Variants in EEFSEC observed in about 807,000 individuals in gnomAD.
EEFSEC encodes selenocysteine-specific elongation factor.
A neutral mutation model predicts 42.1 loss-of-function variants in EEFSEC; 43 were observed. The ratio of observed to expected loss-of-function variants is 1.02; its 90% CI spans 0.80 to 1.32. EEFSEC has a LOEUF of 1.32. Ranked by LOEUF, EEFSEC falls within the 40% of genes most tolerant of loss-of-function variation. The pLI is 0.00. For missense variants in EEFSEC, 745 were observed against 803.6 expected (o/e 0.93, Z 0.88); for synonymous variants, 354 against 339.1 (o/e 1.04, Z -0.48).
chr3:128,156,850 A>G (rs1459958166), intron 1 of EEFSEC, among the ~76,000 whole-genome samples: 1 of 152,194 alleles, frequency 6.6e-6, no homozygotes, highest in Admixed American at 6.5e-5. Context: ...ATTAAAATTC[A>G]TCCAGCTAAT....
chr3:128,280,424 T>A (rs2066513770), intron 4 of EEFSEC, among the ~76,000 whole-genome samples: 1 of 152,262 alleles, frequency 6.6e-6, no homozygotes, highest in African/African-American at 2.4e-5. Context: ...CTCACCTCCC[T>A]TGTGCCCTCA....
At chr3:128,227,690 C>CG (rs1201257906) in intron 1 of EEFSEC, among the ~76,000 whole-genome samples, 4 of 152,156 alleles carry the variant, frequency 2.6e-5, no homozygotes, top group Non-Finnish European at 5.9e-5. Context: ...AGTCTGGGTC[C>CG]GGGGGTGAAT....
intron 1 of EEFSEC, among the ~76,000 whole-genome samples, chr3:128,214,860 C>G (rs1052039759): frequency 3.9e-5 from 6 of 152,198 alleles, no homozygotes; most frequent in Non-Finnish European, 4.4e-5. Flanking sequence ...GCACTTACAG[C>G]TGCGATCTGG....
intron 1 of EEFSEC, among the ~76,000 whole-genome samples, chr3:128,218,163 T>C (rs539494992): frequency 6.6e-6 from 1 of 152,284 alleles, no homozygotes; most frequent in South Asian, 2.1e-4. Context: ...TTATACTCTT[T>C]GTGATTTAAG....
chr3:128,239,438 A>G (rs1164501379), intron 1 of EEFSEC, among the ~76,000 whole-genome samples: 1 of 152,158 alleles, frequency 6.6e-6, no homozygotes, highest in Admixed American at 6.5e-5. Context: ...TGGCATCAGC[A>G]TCTTCCAAGG....
At chr3:128,186,998 C>T (rs1057175709) in intron 1 of EEFSEC, among the ~76,000 whole-genome samples, 10 of 152,194 alleles carry the variant, frequency 6.6e-5, no homozygotes, top group Non-Finnish European at 1.3e-4. Context: ...TGCTGAGGCT[C>T]ATGGCCACAG....
chr3:128,244,918 G>A (rs1260525757), intron 1 of EEFSEC, among the ~76,000 whole-genome samples: 1 of 152,102 alleles, frequency 6.6e-6, no homozygotes, highest in Non-Finnish European at 1.5e-5. Flanking sequence ...CTTTTAAATG[G>A]GTGTATAGTA....
intron 1 of EEFSEC, among the ~76,000 whole-genome samples, chr3:128,201,230 G>GTATA (rs1449522818): frequency 6.6e-6 from 1 of 152,032 alleles, no homozygotes; most frequent in Admixed American, 6.6e-5. Flanking sequence ...ATCTGGCAGG[G>GTATA]TATGTCCTAT....
intron 4 of EEFSEC, among the ~76,000 whole-genome samples, chr3:128,285,551 G>A (rs982358388): frequency 1.3e-5 from 2 of 152,158 alleles, no homozygotes; most frequent in Admixed American, 6.5e-5. Flanking sequence ...CTCACCACCT[G>A]TAGCATGTCC....
the EEFSEC span, among the ~76,000 whole-genome samples, chr3:128,422,592 G>A: frequency 5.9e-5 from 9 of 152,336 alleles, no homozygotes; most frequent in South Asian, 8.3e-4. Context: ...GAGGCCCCCC[G>A]GCTGCTCTCC....
At chr3:128,238,143 G>A (rs942237801) in intron 1 of EEFSEC, among the ~76,000 whole-genome samples, 1 of 152,164 alleles carries the variant, frequency 6.6e-6, no homozygotes, top group Non-Finnish European at 1.5e-5. Flanking sequence ...TAGAACTAAT[G>A]CAGAAGTCAC....
rs755821614 is a variant in EEFSEC, at chr3:128,408,162, G to A, written c.1694G>A (p.Ser565Asn). The A allele has an allele frequency of 2.3e-5, 37 of 1,612,796 alleles. No individual in the cohort carries two copies. In the East Asian group the frequency reaches 7.8e-4, roughly 34 times the overall value. ...GRGEATRQEESAERSEPSQHV... is the reference protein window; with the variant it reads ...GRGEATRQEENAERSEPSQHV... ...GGGGAGGCCACCAGGCAGGAGGAGAGCGCCGAGCGGAGCGAGCCCTCACAG... is the reference window on the plus strand; with the variant it reads ...GGGGAGGCCACCAGGCAGGAGGAGAACGCCGAGCGGAGCGAGCCCTCACAG... Residue 565 changes from serine to asparagine, a missense_variant, in exon 7 of 7, where the codon AGC (serine) becomes AAC (asparagine). Physicochemically the swap from Ser to Asn is conservative, Grantham distance 46. Coordinates refer to ENST00000254730, the MANE Select transcript of EEFSEC (RefSeq NM_021937.5).
chr3:128,255,368 G>A (rs552143909), intron 2 of EEFSEC, among the ~76,000 whole-genome samples: 1 of 152,318 alleles, frequency 6.6e-6, no homozygotes, highest in Admixed American at 6.5e-5. Context: ...ATGCCACAGA[G>A]GAAAGCGATT....
chr3:128,341,385 T>G lies in EEFSEC; in HGVS notation c.939T>G (p.His313Gln), dbSNP rs1156589741. 6.2e-7 allele frequency: 1 copy of G among 1,614,044 alleles called. No individual in the cohort carries two copies. The highest frequency in any genetic ancestry group is 1.7e-5 in the Admixed American group (1 of 60,006). ...VCAPESLHTV[H>Q]AALISVEKIP... ...CCCCCGAGTCCCTGCACACTGTCCA[T>G]GCGGCCCTCATCTCTGTGGAAAAGA... is the stretch of plus-strand genomic sequence containing the variant. Residue 313 changes from histidine to glutamine, a missense_variant, in exon 5 of 7, where the codon CAT becomes CAG. His to Gln is a conservative substitution (Grantham distance 24). Transcript: ENST00000254730.
chr3:128,301,287 A>G (rs1420123845), intron 4 of EEFSEC, among the ~76,000 whole-genome samples: 2 of 152,210 alleles, frequency 1.3e-5, no homozygotes, highest in African/African-American at 4.8e-5. Flanking sequence ...TCCGGTGTGC[A>G]CGCTTGTTCC....
intron 4 of EEFSEC, among the ~76,000 whole-genome samples, chr3:128,273,645 C>T (rs944976573): frequency 2.0e-5 from 3 of 152,214 alleles, no homozygotes; most frequent in Non-Finnish European, 4.4e-5. Context: ...GCAGAGGGTA[C>T]AGCCAGGTTC....
intron 4 of EEFSEC, among the ~76,000 whole-genome samples, chr3:128,333,470 G>C (rs1332726046): frequency 6.6e-6 from 1 of 152,242 alleles, no homozygotes. Context: ...AAGAGAATAT[G>C]TGCTTTAATG....
At chr3:128,211,841 T>C (rs1033130443) in intron 1 of EEFSEC, among the ~76,000 whole-genome samples, 1 of 134,370 alleles carries the variant, frequency 7.4e-6, no homozygotes, top group East Asian at 2.3e-4. Flanking sequence ...TCTTTTCTTT[T>C]TCTTTTCTTT....
At chr3:128,186,482 T>C (rs928035123) in intron 1 of EEFSEC, among the ~76,000 whole-genome samples, 1 of 152,242 alleles carries the variant, frequency 6.6e-6, no homozygotes, top group African/African-American at 2.4e-5. Context: ...GTGTCATATC[T>C]AAGAAATAAG....
Sources: allele counts gnomAD v4.1 joint callset (sites outside exome capture counted in the v4.1 genomes callset), GRCh38; gene constraint gnomAD v4.1.1; transcripts MANE v1.5; gene names NCBI Gene and HGNC (gene_info 2026-07-23, HGNC 2026-07-21).